Variants in COL16A1 observed in about 807,000 individuals in gnomAD.
COL16A1 encodes the protein collagen alpha-1(XVI) chain.
Under a neutral mutation model 266.3 loss-of-function variants are expected in COL16A1, and 189 were observed. The observed-to-expected ratio is 0.71, with a 90% confidence interval of 0.63 to 0.80. COL16A1 has a LOEUF of 0.80. Among genes scored for constraint, COL16A1 ranks in the 30% least tolerant of loss-of-function variants. The pLI is 0.00. For missense variants in COL16A1, 1,928 were observed against 2,122.4 expected (o/e 0.91, Z 1.80); for synonymous variants, 740 against 782.3 (o/e 0.95, Z 0.90).
chr1:31,672,843 G>A lies in COL16A1; in HGVS notation c.2860-3C>T. On this transcript the variant is annotated splice_region_variant and splice_polypyrimidine_tract_variant and intron_variant, in intron 44 of 70. Coordinates refer to ENST00000373672, the MANE Select transcript of COL16A1 (RefSeq NM_001856.4). ...TGGACACAGTCCCCGCAGATACTCT[G>A]ATCAGGGAGTGGGGAGAGGAGTGGG... 3 of 1,613,596 alleles carry A rather than the reference G, an allele frequency of 1.9e-6. No individual in the cohort carries two copies. The highest frequency in any genetic ancestry group is 2.5e-6 in the Non-Finnish European group (3 of 1,179,672).
rs1314425028 is a variant in COL16A1 at position 31,698,997 on chromosome 1, A to G, written c.267-391T>C. The stretch of plus-strand genomic sequence containing the variant: ...GTAATCCCAGCTACCCGGGAGGCTG[A>G]GGCAGGAGAATTGCTTGAACCCAGG... On this transcript the variant is annotated intron_variant, in intron 4 of 70. Coordinates refer to ENST00000373672, the MANE Select transcript of COL16A1 (RefSeq NM_001856.4). This position sits in a 1 kb window ranked among gnomAD's most constrained non-coding sequence, Gnocchi z 4.1. 6.6e-6 allele frequency among the ~76,000 whole-genome samples: 1 copy of G among 152,172 alleles called. No homozygotes were observed. Among genetic ancestry groups the G allele is most frequent in the East Asian group, 1.9e-4 (1 of 5,190 alleles).
intron 1 of COL16A1, 91 bp downstream of exon 1, chr1:31,703,746 G>C (rs918487282): frequency 6.6e-6 from 1 of 152,402 alleles, no homozygotes; most frequent in African/African-American, 2.4e-5. Flanking sequence ...CCCAGAGAGG[G>C]AATGCCACTT....
At chr1:31,696,905 G>A (rs1644526726) in intron 8 of COL16A1, 58 bp downstream of exon 8, 1 of 1,607,348 alleles carries the variant, frequency 6.2e-7, no homozygotes, top group South Asian at 1.1e-5. Flanking sequence ...TCAGCTCAGG[G>A]GAGGGGTATC....
In COL16A1 at chr1:31,670,427, G is replaced by T; in HGVS notation, c.3195+175C>A. The T allele has an allele frequency of 1.4e-6, 1 of 694,894 alleles. No individual in the cohort carries two copies. Among genetic ancestry groups the T allele is most frequent in the Non-Finnish European group, 2.1e-6 (1 of 469,460 alleles). 43.0% of individuals were successfully genotyped at this position (694,894 alleles called of 1,614,324 possible). A position where few individuals can be genotyped will look rare whatever the true frequency, so the allele number is the denominator to read the frequency against. On this transcript the variant is annotated intron_variant, in intron 49 of 70. Coordinates refer to ENST00000373672, the MANE Select transcript of COL16A1 (RefSeq NM_001856.4). This position sits in a 1 kb window ranked among gnomAD's most constrained non-coding sequence, Gnocchi z 4.5. ...AAAACGGAAAGGAGTCAGAGACTGG[G>T]AGGATGTCCAAGCTGCCGGGACCTC...
At chr1:31,676,298 C>A (rs1381344549) in intron 42 of COL16A1, among the ~76,000 whole-genome samples, 1 of 138,272 alleles carries the variant, frequency 7.2e-6, no homozygotes, top group African/African-American at 2.7e-5. Context: ...ACACTTTAGT[C>A]TAGGCAACAG....
At chr1:31,653,728 G>T in intron 69 of COL16A1, 52 bp from the exon 70 acceptor site, 1 of 1,588,236 alleles carries the variant, frequency 6.3e-7, no homozygotes, top group Non-Finnish European at 8.6e-7. Flanking sequence ...AAATGACACA[G>T]CCAGTCAGAT....
chr1:31,702,974 ACATC>A (rs1184943698), intron 1 of COL16A1, among the ~76,000 whole-genome samples: 13 of 152,170 alleles, frequency 8.5e-5, no homozygotes, highest in African/African-American at 1.4e-4. Flanking sequence ...GCAGAGCCAT[ACATC>A]GTCTGGCCTC....
At chr1:31,694,529 G>C (rs1008411743) in intron 11 of COL16A1, among the ~76,000 whole-genome samples, 7 of 152,064 alleles carry the variant, frequency 4.6e-5, no homozygotes, top group Admixed American at 4.6e-4. Flanking sequence ...AGGGAGCCTA[G>C]GAGGTACTCC....
Position 31,692,759 on chromosome 1 carries a change from A to C in COL16A1, c.1113+8T>G. 1 of 1,613,694 alleles carries C rather than the reference A, an allele frequency of 6.2e-7. No individual in the cohort carries two copies. The highest frequency in any genetic ancestry group is 8.5e-7 in the Non-Finnish European group (1 of 1,179,604). Reference sequence around the variant, plus strand: ...GGCCCTGAAGCAGGCATCACCTCCAAGTCTTACCTGAAGTGGGGCATCCGG... The same window carrying C: ...GGCCCTGAAGCAGGCATCACCTCCACGTCTTACCTGAAGTGGGGCATCCGG... On this transcript the variant is annotated splice_region_variant and intron_variant, in intron 14 of 70. Coordinates refer to ENST00000373672, the MANE Select transcript of COL16A1 (RefSeq NM_001856.4).
At chr1:31,660,485 T>C (rs1570362796) in intron 62 of COL16A1, 100 bp downstream of exon 62, 1 of 1,515,654 alleles carries the variant, frequency 6.6e-7, no homozygotes, top group South Asian at 1.3e-5. Flanking sequence ...GGGCAGCCCC[T>C]ATGGCAAGTT....
Position 31,652,709 on chromosome 1 carries a change from G to A in COL16A1, c.4757C>T (p.Ala1586Val). The change falls in exon 71 of 71, where the codon GCC (alanine) becomes GTC (valine). Residue 1586 changes from alanine (A) to valine (V), a missense_variant. Physicochemically the swap from Ala to Val is moderately conservative, Grantham distance 64. Around this residue, in one of 2 missense-constraint regions of COL16A1, gnomAD observed 376 missense variants for 485.2 expected, o/e 0.77. Transcript: ENST00000373672. This position sits in a 1 kb window ranked among gnomAD's most constrained non-coding sequence, Gnocchi z 4.8. Reference protein sequence around the residue: ...GHCNPSDCFGAMPMEQQYPPM... With the variant: ...GHCNPSDCFGVMPMEQQYPPM... ...TGGGTACTGCTGCTCCATCGGCATGGCCCCAAAGCAGTCAGAGGGATTACA... is the reference window on the plus strand; with the variant it reads ...TGGGTACTGCTGCTCCATCGGCATGACCCCAAAGCAGTCAGAGGGATTACA... 6.2e-7 allele frequency: 1 copy of A among 1,606,898 alleles called. No individual in the cohort carries two copies. The highest frequency in any genetic ancestry group is 8.5e-7 in the Non-Finnish European group (1 of 1,177,844).
At position 31,684,021 on chromosome 1, in the gene COL16A1, G is replaced by A; in HGVS notation, c.2284-18C>T. On this transcript the variant is annotated intron_variant, in intron 32 of 70. Transcript: ENST00000373672. Reference sequence around the variant, plus strand: ...GGTTGGCCCTAAAAGGCATAAGGTGGCCCATGGAGTCCCCACAGGAGAAAG... The same window carrying A: ...GGTTGGCCCTAAAAGGCATAAGGTGACCCATGGAGTCCCCACAGGAGAAAG... The A allele has an allele frequency of 1.2e-6, 2 of 1,614,168 alleles. No individual in the cohort carries two copies. The highest frequency in any genetic ancestry group is 1.1e-5 in the South Asian group (1 of 91,068).
intron 62 of COL16A1, 128 bp downstream of exon 62, chr1:31,660,457 C>G: frequency 8.1e-7 from 1 of 1,238,166 alleles, no homozygotes; most frequent in Non-Finnish European, 1.1e-6. Context: ...AGGAGTGGCC[C>G]CCGTGCTCCC....
rs763061192 is a variant in COL16A1, at chr1:31,692,762, C to T, written c.1113+5G>A. 228 of 1,613,676 alleles carry T rather than the reference C, an allele frequency of 1.4e-4. No homozygotes were observed. Among genetic ancestry groups the T allele is most frequent in the Non-Finnish European group, 8.9e-5 (105 of 1,179,678 alleles). ...CCTGAAGCAGGCATCACCTCCAAGT[C>T]TTACCTGAAGTGGGGCATCCGGGGA... On this transcript the variant is annotated splice_donor_5th_base_variant and intron_variant, in intron 14 of 70. Coordinates refer to ENST00000373672, the MANE Select transcript of COL16A1 (RefSeq NM_001856.4).
chr1:31,693,868 G>C (rs1644382509), intron 12 of COL16A1, among the ~76,000 whole-genome samples: 1 of 152,212 alleles, frequency 6.6e-6, no homozygotes, highest in South Asian at 2.1e-4. Flanking sequence ...CACCCACCCT[G>C]CAGGCTGACT....
At chr1:31,659,011 G>A in intron 62 of COL16A1, 47 bp from the exon 63 acceptor site, 1 of 1,531,338 alleles carries the variant, frequency 6.5e-7, no homozygotes, top group Non-Finnish European at 8.9e-7. Flanking sequence ...CTAATAGTAA[G>A]ACCCCTGGGA....
Position 31,679,682 on chromosome 1 carries a change from G to T in COL16A1, c.2722C>A (p.Pro908Thr). 2 of 1,614,086 alleles carry T rather than the reference G, an allele frequency of 1.2e-6. No individual in the cohort carries two copies. The highest frequency in any genetic ancestry group is 1.7e-6 in the Non-Finnish European group (2 of 1,180,008). Residue 908 changes from proline (P) to threonine (T), a missense_variant, in exon 42 of 71, where the codon CCA (proline) becomes ACA (threonine). Pro to Thr is a conservative substitution (Grantham distance 38). This residue lies in a region of COL16A1 where 1,552 missense variants were observed against 1,637.2 expected (regional missense o/e 0.95). Coordinates refer to ENST00000373672, the MANE Select transcript of COL16A1 (RefSeq NM_001856.4). ...CCTGGTGGTCCGGGAATACCTGGTG[G>T]ACCCTGAGGGAGAGAGAAAAGAGTC... ...GSSWQPGPQG[P>T]PGIPGPPGPP...
intron 8 of COL16A1, 88 bp downstream of exon 8, chr1:31,696,875 A>G: frequency 1.3e-6 from 2 of 1,588,104 alleles, no homozygotes; most frequent in Non-Finnish European, 8.6e-7. Context: ...TGGCCAACTG[A>G]CCCTGGTGGC....
In COL16A1 at chr1:31,684,510, C is replaced by A; in HGVS notation, c.2160+13G>T. The A allele has an allele frequency of 6.2e-7, 1 of 1,608,652 alleles. No individual in the cohort carries two copies. The highest frequency in any genetic ancestry group is 8.5e-7 in the Non-Finnish European group (1 of 1,177,272). On this transcript the variant is annotated intron_variant, in intron 31 of 70. Coordinates refer to ENST00000373672, the MANE Select transcript of COL16A1 (RefSeq NM_001856.4). ...AACAAACTCCCCGACCCCAACCACC[C>A]CGCCTGACTAACCTTTTCTCCTTTT... is the stretch of plus-strand genomic sequence containing the variant.
Sources: allele counts gnomAD v4.1 joint callset (sites outside exome capture counted in the v4.1 genomes callset), GRCh38; gene constraint gnomAD v4.1.1; regional missense constraint gnomAD v4.1.1; non-coding constraint Gnocchi (gnomAD v3.1); transcripts MANE v1.5; gene names NCBI Gene and HGNC (gene_info 2026-07-23, HGNC 2026-07-21).